The following IMPG2 variants were observed in gnomAD, a reference collection of about 807,000 sequenced individuals.
IMPG2 encodes the protein IPM 200.
In IMPG2, 91 loss-of-function variants were observed where a neutral mutation model predicts 129.2. The ratio of observed to expected loss-of-function variants is 0.70; its 90% CI spans 0.59 to 0.84. The LOEUF (loss-of-function observed/expected upper bound fraction) is 0.84. Among genes scored for constraint, IMPG2 ranks in the 40% least tolerant of loss-of-function variants. IMPG2 has a pLI of 0.00. For synonymous variants in IMPG2, 510 were observed against 517.7 expected (o/e 0.99, Z 0.20); for missense variants, 1,430 against 1,461.7 (o/e 0.98, Z 0.35).
intron 2 of IMPG2, among the ~76,000 whole-genome samples, chr3:101,306,053 G>C (rs776228633): frequency 9.2e-5 from 14 of 152,214 alleles, no homozygotes; most frequent in Non-Finnish European, 1.9e-4. Context: ...ACAGTCAGAA[G>C]ATCTAAGTTC....
intron 14 of IMPG2, among the ~76,000 whole-genome samples, chr3:101,240,107 C>T (rs943662672): frequency 6.6e-6 from 1 of 151,744 alleles, no homozygotes; most frequent in Non-Finnish European, 1.5e-5. Flanking sequence ...TTGTAATTCT[C>T]TTTATTTTTT....
At chr3:101,319,401 C>T (rs543320057) in intron 2 of IMPG2, among the ~76,000 whole-genome samples, 183 bp downstream of exon 2, 17 of 152,242 alleles carry the variant, frequency 1.1e-4, no homozygotes, top group Non-Finnish European at 1.9e-4. Context: ...AAACAAACCT[C>T]CTCTCTTAAT....
chr3:101,276,508 A>T (rs1706841676), intron 5 of IMPG2, among the ~76,000 whole-genome samples, 156 bp downstream of exon 5: 1 of 152,222 alleles, frequency 6.6e-6, no homozygotes, highest in South Asian at 2.1e-4. Context: ...ATAAATTTTT[A>T]AAAATTACTT....
intron 14 of IMPG2, 21 bp from the exon 15 acceptor site, chr3:101,233,012 T>G: frequency 6.2e-7 from 1 of 1,611,450 alleles, no homozygotes; most frequent in Non-Finnish European, 8.5e-7. Flanking sequence ...AAACAAAGAA[T>G]AATGCAAGAA....
Position 101,226,995 on chromosome 3 carries a change from A to T in IMPG2, c.3714-14T>A. The stretch of plus-strand genomic sequence containing the variant: ...TAAACCTCTTCCCTGCCATGAAAAC[A>T]CAAAGAGCAATTCAGTAAAAAAAAA... On this transcript the variant is annotated splice_polypyrimidine_tract_variant and intron_variant, in intron 18 of 18. Coordinates refer to ENST00000193391, the MANE Select transcript of IMPG2 (RefSeq NM_016247.4). The T allele has an allele frequency of 6.2e-7, 1 of 1,613,708 alleles. No homozygotes were observed. Among genetic ancestry groups the T allele is most frequent in the Non-Finnish European group, 8.5e-7 (1 of 1,179,722 alleles).
At chr3:101,280,008 CAG>C (rs1706876458) in intron 4 of IMPG2, among the ~76,000 whole-genome samples, 1 of 152,218 alleles carries the variant, frequency 6.6e-6, no homozygotes, top group Non-Finnish European at 1.5e-5. Flanking sequence ...CACTGGAACA[CAG>C]AGGTGTATTG....
chr3:101,253,923 T>C (rs377437808), intron 10 of IMPG2, 142 bp from the exon 11 acceptor site: 1 of 654,060 alleles, frequency 1.5e-6, no homozygotes, highest in East Asian at 2.7e-5. Context: ...TTAGAAAATG[T>C]TTGTTACTTT....
At chr3:101,256,598 C>G (rs55728490) in intron 10 of IMPG2, among the ~76,000 whole-genome samples, 3,328 of 152,152 alleles carry the variant, frequency 0.022, 54 homozygotes, top group Admixed American at 0.042. Flanking sequence ...CACACACACA[C>G]AGAGAACTAG....
At chr3:101,228,899 G>A in intron 17 of IMPG2, 23 bp from the exon 18 acceptor site, 1 of 1,552,584 alleles carries the variant, frequency 6.4e-7, no homozygotes, top group South Asian at 1.1e-5. Context: ...AGAAACAATA[G>A]GCCACACATT....
In IMPG2 at chr3:101,226,417, C is replaced by CA. The variant is rs886057682; in HGVS notation, c.*551dup. The CA allele has an allele frequency of 2.0e-5, 3 of 151,354 alleles. No homozygotes were observed. The highest frequency in any genetic ancestry group is 3.9e-4 in the East Asian group (2 of 5,150). The allele number at this position is 151,354 out of a possible 1,614,324, so 9.4% of individuals were successfully genotyped here. A position where few individuals can be genotyped will look rare whatever the true frequency, so the allele number is the denominator to read the frequency against. On this transcript the variant is annotated 3_prime_UTR_variant, in exon 19 of 19. Transcript: ENST00000193391. ...ATACAACCCGAATTCTATCCTGCAGCAAAAAAGTTTGCTTTTTCTTTAGCA... is the reference window on the plus strand; with the variant it reads ...ATACAACCCGAATTCTATCCTGCAGCAAAAAAAGTTTGCTTTTTCTTTAGCA...
chr3:101,294,633 G>A (rs1707059007), intron 3 of IMPG2, among the ~76,000 whole-genome samples: 1 of 152,146 alleles, frequency 6.6e-6, no homozygotes, highest in African/African-American at 2.4e-5. Flanking sequence ...GGGTCAAATG[G>A]TTTTTCTGGT....
chr3:101,267,722 C>A (rs1391593121), intron 8 of IMPG2, among the ~76,000 whole-genome samples, 191 bp from the exon 9 acceptor site: 1 of 152,154 alleles, frequency 6.6e-6, no homozygotes, highest in Non-Finnish European at 1.5e-5. Flanking sequence ...TATTTTAAAA[C>A]CATGGTCTTT....
At chr3:101,243,301 C>T (rs1706430493) in intron 13 of IMPG2, among the ~76,000 whole-genome samples, 1 of 152,160 alleles carries the variant, frequency 6.6e-6, no homozygotes, top group African/African-American at 2.4e-5. Flanking sequence ...AACAATCTTC[C>T]TTGTAAATTA....
Position 101,273,917 on chromosome 3 carries a change from G to C in IMPG2, c.667-175C>G, listed in dbSNP as rs539246036. Reference sequence around the variant, plus strand: ...GTAGACTTTAAGACACAGGCTAACAGCCAGGAGAAGTGGCTCACACCTGTA... The same window carrying C: ...GTAGACTTTAAGACACAGGCTAACACCCAGGAGAAGTGGCTCACACCTGTA... On this transcript the variant is annotated intron_variant, in intron 6 of 18. Coordinates refer to ENST00000193391, the MANE Select transcript of IMPG2 (RefSeq NM_016247.4). 5.3e-5 allele frequency among the ~76,000 whole-genome samples: 8 copies of C among 152,292 alleles called. No individual in the cohort carries two copies. In the South Asian group the frequency reaches 1.5e-3, roughly 28 times the overall value.
intron 17 of IMPG2, 72 bp downstream of exon 17, chr3:101,229,308 C>CCCCCCCCCCCCGGGGCCCCCCCCCCCCA: frequency 1.2e-6 from 1 of 840,606 alleles, no homozygotes; most frequent in Non-Finnish European, 2.0e-6. Flanking sequence ...ACACCCCCAC[C>CCCCCCCCCCCCGGGGCCCCCCCCCCCCA]CACCACCCCC....
At position 101,223,525 on chromosome 3, in the gene IMPG2, A is replaced by G. The variant is rs997362613; in HGVS notation, c.*3444T>C. The G allele has an allele frequency of 2.6e-5, 4 of 152,242 alleles. No homozygotes were observed. Among genetic ancestry groups the G allele is most frequent in the African/African-American group, 9.6e-5 (4 of 41,460 alleles). The allele number at this position is 152,242 out of a possible 1,614,324, so 9.4% of individuals were successfully genotyped here. ...ACCCATTGCTGAAAACAGAAATAAC[A>G]TAAAGCTACCAAAAAAATCATGAAA... On this transcript the variant is annotated 3_prime_UTR_variant, in exon 19 of 19. Coordinates refer to ENST00000193391, the MANE Select transcript of IMPG2 (RefSeq NM_016247.4).
chr3:101,295,367 T>C (rs532342633), intron 3 of IMPG2, among the ~76,000 whole-genome samples: 75 of 152,214 alleles, frequency 4.9e-4, no homozygotes, highest in Non-Finnish European at 9.8e-4. Context: ...TTGTCAGGTT[T>C]GTCAAAGATC....
chr3:101,268,749 G>A (rs1280893071), intron 8 of IMPG2, among the ~76,000 whole-genome samples: 1 of 152,088 alleles, frequency 6.6e-6, no homozygotes. Flanking sequence ...ACTTGGGCTA[G>A]AGCATCACCT....
intron 13 of IMPG2, among the ~76,000 whole-genome samples, chr3:101,243,214 G>T (rs1706429702): frequency 6.6e-6 from 1 of 152,124 alleles, no homozygotes; most frequent in Non-Finnish European, 1.5e-5. Flanking sequence ...GGCAACATAG[G>T]TACCCACAAA....
Sources: allele counts gnomAD v4.1 joint callset (sites outside exome capture counted in the v4.1 genomes callset), GRCh38; gene constraint gnomAD v4.1.1; transcripts MANE v1.5; gene names NCBI Gene and HGNC (gene_info 2026-07-23, HGNC 2026-07-21).